The following CKS2 variants were observed in gnomAD, a reference collection of about 807,000 sequenced individuals.
The protein encoded by CKS2 is cyclin-dependent kinases regulatory subunit 2.
In CKS2, 4 loss-of-function variants were observed where a neutral mutation model predicts 14.3. The ratio of observed to expected loss-of-function variants is 0.28; its 90% CI spans 0.14 to 0.64. The LOEUF (loss-of-function observed/expected upper bound fraction) is 0.64. Ranked by LOEUF, CKS2 falls within the 30% of genes least tolerant of loss-of-function variation. The pLI is 0.83. For synonymous variants in CKS2, 33 were observed against 28.7 expected (o/e 1.15, Z -0.48); for missense variants, 71 against 94.3 (o/e 0.75, Z 1.02).
intron 1 of CKS2, among the ~76,000 whole-genome samples, chr9:89,313,429 A>G (rs1443422912): frequency 2.6e-5 from 4 of 152,244 alleles, no homozygotes. Flanking sequence ...CAGCCTTACA[A>G]ATTAGTAATA....
chr9:89,316,602 G>GT lies in CKS2; in HGVS notation c.*180dup, dbSNP rs1320306496. 2 of 436,280 alleles carry GT rather than the reference G, an allele frequency of 4.6e-6. No individual in the cohort carries two copies. The highest frequency in any genetic ancestry group is 4.1e-5 in the African/African-American group (2 of 49,270). 27.0% of individuals were successfully genotyped at this position (436,280 alleles called of 1,614,324 possible). On this transcript the variant is annotated 3_prime_UTR_variant, in exon 3 of 3. Coordinates refer to ENST00000314355, the MANE Select transcript of CKS2 (RefSeq NM_001827.3). Reference sequence around the variant, plus strand: ...AACTGCAAGTAGGTTACTGTAAGATGTTTAAGATAAAAGTTCTTCCAGTCA... The same window carrying GT: ...AACTGCAAGTAGGTTACTGTAAGATGTTTTAAGATAAAAGTTCTTCCAGTCA...
At chr9:89,315,086 G>C in intron 1 of CKS2, 84 bp from the exon 2 acceptor site, 3 of 1,221,282 alleles carry the variant, frequency 2.5e-6, no homozygotes, top group Non-Finnish European at 3.3e-6. Flanking sequence ...CAATATTAAA[G>C]CAACAGAGTT....
chr9:89,313,980 G>T (rs1824664494), intron 1 of CKS2, among the ~76,000 whole-genome samples: 1 of 152,180 alleles, frequency 6.6e-6, no homozygotes. Context: ...CTTAACCACA[G>T]ACTAAAATTT....
chr9:89,313,319 G>A (rs1006989630), intron 1 of CKS2, among the ~76,000 whole-genome samples: 57 of 152,154 alleles, frequency 3.7e-4, no homozygotes, highest in African/African-American at 1.3e-3. Flanking sequence ...GTCCTTTTAC[G>A]TGAGGGTCTT....
In CKS2 at chr9:89,311,272, T is replaced by A. The variant is rs752344927; in HGVS notation, c.-21T>A. 47 of 1,608,198 alleles carry A rather than the reference T, an allele frequency of 2.9e-5. No individual in the cohort carries two copies. Among genetic ancestry groups the A allele is most frequent in the Non-Finnish European group, 3.9e-5 (46 of 1,177,086 alleles). On this transcript the variant is annotated 5_prime_UTR_variant, in exon 1 of 3. Transcript: ENST00000314355. ...CCCGCTCTTCGCGCTCTCGTTTCAT[T>A]TTCTGCAGCGCGCCAGCAGGATGGC... is the stretch of plus-strand genomic sequence containing the variant.
chr9:89,316,467 A>G lies in CKS2; in HGVS notation c.*42A>G, dbSNP rs1307596621. On this transcript the variant is annotated 3_prime_UTR_variant, in exon 3 of 3. Transcript: ENST00000314355. ...GTCAAATCTTTTTCAAATTTAATGT[A>G]TATGTGTATATAAGGTAGTATTCAG... is the stretch of plus-strand genomic sequence containing the variant. 5 of 1,169,830 alleles carry G rather than the reference A, an allele frequency of 4.3e-6. No homozygotes were observed. The African/African-American group carries it at 4.5e-5, about 11-fold the overall frequency. The allele number at this position is 1,169,830 out of a possible 1,614,324, so 72.5% of individuals were successfully genotyped here.
Position 89,311,315 on chromosome 9 carries a change from A to T in CKS2, c.23A>T (p.Tyr8Phe). 1.2e-6 allele frequency: 2 copies of T among 1,608,518 alleles called. No homozygotes were observed. The highest frequency in any genetic ancestry group is 1.7e-6 in the Non-Finnish European group (2 of 1,178,132). ...AGGATGGCCCACAAGCAGATCTACTACTCGGACAAGTACTTCGACGAACAC... is the reference window on the plus strand; with the variant it reads ...AGGATGGCCCACAAGCAGATCTACTTCTCGGACAAGTACTTCGACGAACAC... MAHKQIYYSDKYFDEHYE... is the reference protein window; with the variant it reads MAHKQIYFSDKYFDEHYE... The change falls in exon 1 of 3, where the codon TAC (tyrosine) becomes TTC (phenylalanine). Residue 8 changes from tyrosine (Y) to phenylalanine (F), a missense_variant. Physicochemically the swap from Tyr to Phe is conservative, Grantham distance 22. Coordinates refer to ENST00000314355, the MANE Select transcript of CKS2 (RefSeq NM_001827.3).
chr9:89,311,200 T>C lies in CKS2; in HGVS notation c.-93T>C. On this transcript the variant is annotated 5_prime_UTR_variant, in exon 1 of 3. Transcript: ENST00000314355. ...GGATCGTTGGGACTGCGGTCGTTAG[T>C]CTCCGGCGAGTTGTTGCCTGGGCTG... is the stretch of plus-strand genomic sequence containing the variant. 1 of 1,025,522 alleles carries C rather than the reference T, an allele frequency of 9.8e-7. No homozygotes were observed. Among genetic ancestry groups the C allele is most frequent in the Non-Finnish European group, 1.5e-6 (1 of 669,214 alleles). The allele number at this position is 1,025,522 out of a possible 1,614,324, so 63.5% of individuals were successfully genotyped here. A position where few individuals can be genotyped will look rare whatever the true frequency, so the allele number is the denominator to read the frequency against.
chr9:89,315,519 A>T (rs1216651115), intron 2 of CKS2, among the ~76,000 whole-genome samples: 3 of 135,364 alleles, frequency 2.2e-5, no homozygotes, highest in Non-Finnish European at 4.7e-5. Flanking sequence ...CTACTTGGAA[A>T]ATAATGTAAG....
Position 89,316,688 on chromosome 9 carries a change from T to C in CKS2, c.*263T>C. On this transcript the variant is annotated 3_prime_UTR_variant, in exon 3 of 3. Coordinates refer to ENST00000314355, the MANE Select transcript of CKS2 (RefSeq NM_001827.3). ...ACAGTTTACTTTTGTTCAATAAAGT[T>C]TGTATGTTGCATTTATCACTGTTTC... The C allele has an allele frequency of 5.8e-6, 2 of 343,096 alleles. No individual in the cohort carries two copies. Among genetic ancestry groups the C allele is most frequent in the East Asian group, 4.5e-5 (1 of 22,220 alleles). The allele number at this position is 343,096 out of a possible 1,614,324, so 21.3% of individuals were successfully genotyped here.
chr9:89,314,818 G>C (rs1824678683), intron 1 of CKS2, among the ~76,000 whole-genome samples: 1 of 152,142 alleles, frequency 6.6e-6, no homozygotes, highest in Non-Finnish European at 1.5e-5. Flanking sequence ...CTTTCCCTTT[G>C]AGAACACTTT....
intron 2 of CKS2, among the ~76,000 whole-genome samples, chr9:89,315,718 G>A (rs1205563821): frequency 6.6e-6 from 1 of 152,076 alleles, no homozygotes; most frequent in Non-Finnish European, 1.5e-5. Context: ...TGAGGTAATA[G>A]CATATGAACT....
intron 2 of CKS2, among the ~76,000 whole-genome samples, chr9:89,315,772 C>T (rs1824699439): frequency 6.6e-6 from 1 of 152,034 alleles, no homozygotes; most frequent in African/African-American, 2.4e-5. Context: ...TGGTATTAAC[C>T]AAAAGTTTTT....
intron 1 of CKS2, among the ~76,000 whole-genome samples, chr9:89,312,038 G>C (rs762472279): frequency 7.9e-5 from 12 of 152,012 alleles, no homozygotes; most frequent in African/African-American, 2.7e-4. Flanking sequence ...TAGGTTAGCC[G>C]CAGTCATACA....
At chr9:89,311,437 T>TGGGGGGG in intron 1 of CKS2, 86 bp downstream of exon 1, 11 of 478,954 alleles carry the variant, frequency 2.3e-5, no homozygotes, top group East Asian at 6.9e-5. Flanking sequence ...GGGTCGGGGG[T>TGGGGGGG]GGGGGCCGGG....
At chr9:89,312,201 G>A (rs1395469895) in intron 1 of CKS2, 1 of 154,656 alleles carries the variant, frequency 6.5e-6, no homozygotes, top group Non-Finnish European at 1.5e-5. Flanking sequence ...AGAACATGGT[G>A]GCTGTAATCG....
chr9:89,315,286 T>G lies in CKS2; in HGVS notation c.176T>G (p.Ile59Ser). ...AGTCTAGGCTGGGTTCATTACATGA[T>G]TCATGAGCCAGGTAAGCTATGCTAT... ...QQSLGWVHYM[I>S]HEPEPHILLF... The change falls in exon 2 of 3, where the codon ATT becomes AGT. Residue 59 changes from isoleucine (I) to serine (S), a missense_variant. Ile to Ser is a moderately radical substitution (Grantham distance 142). Transcript: ENST00000314355. 4 of 1,598,570 alleles carry G rather than the reference T, an allele frequency of 2.5e-6. No individual in the cohort carries two copies. Among genetic ancestry groups the G allele is most frequent in the Non-Finnish European group, 3.4e-6 (4 of 1,171,474 alleles).
At position 89,311,286 on chromosome 9, in the gene CKS2, C is replaced by CA; in HGVS notation, c.-6dup. ...TCTCGTTTCATTTTCTGCAGCGCGCCAGCAGGATGGCCCACAAGCAGATCT... is the reference window on the plus strand; with the variant it reads ...TCTCGTTTCATTTTCTGCAGCGCGCCAAGCAGGATGGCCCACAAGCAGATCT... On this transcript the variant is annotated 5_prime_UTR_variant, in exon 1 of 3. Coordinates refer to ENST00000314355, the MANE Select transcript of CKS2 (RefSeq NM_001827.3). 6.2e-7 allele frequency: 1 copy of CA among 1,610,708 alleles called. No homozygotes were observed. The highest frequency in any genetic ancestry group is 8.5e-7 in the Non-Finnish European group (1 of 1,178,502).
Position 89,315,233 on chromosome 9 carries a change from G to T in CKS2, c.123G>T (p.Glu41Asp), listed in dbSNP as rs144080039. Reference protein sequence around the residue: ...QVPKTHLMSEEEWRRLGVQQS... With the variant: ...QVPKTHLMSEDEWRRLGVQQS... The stretch of plus-strand genomic sequence containing the variant: ...CTAAAACTCATCTGATGTCTGAAGA[G>T]GAGTGGAGGAGACTTGGTGTCCAAC... Residue 41 changes from glutamate to aspartate, a missense_variant, in exon 2 of 3, where the codon GAG becomes GAT. Coordinates refer to ENST00000314355, the MANE Select transcript of CKS2 (RefSeq NM_001827.3). The T allele has an allele frequency of 5.0e-6, 8 of 1,611,764 alleles. No homozygotes were observed. The highest frequency in any genetic ancestry group is 6.8e-6 in the Non-Finnish European group (8 of 1,178,534).
Sources: gnomAD v4.1 joint callset for allele counts (sites outside exome capture counted in the v4.1 genomes callset) on GRCh38, gnomAD v4.1.1 for gene constraint, MANE v1.5 for transcripts, NCBI Gene and HGNC (gene_info 2026-07-23, HGNC 2026-07-21) for gene names.